CDC14B: variants seen among roughly 807,000 people sequenced by gnomAD.
CDC14B encodes dual specificity protein phosphatase CDC14B.
A neutral mutation model predicts 64.2 loss-of-function variants in CDC14B; 22 were observed. The ratio of observed to expected loss-of-function variants is 0.34; its 90% CI spans 0.24 to 0.49. The LOEUF (loss-of-function observed/expected upper bound fraction) is 0.49, where lower values mean the gene tolerates loss of function less well. Ranked by LOEUF, CDC14B falls within the 20% of genes least tolerant of loss-of-function variation. The probability of loss-of-function intolerance (pLI) is 0.99; values close to 1 mark genes in which losing one functional copy is unlikely to be tolerated. For synonymous variants in CDC14B, 191 were observed against 215.8 expected (o/e 0.89, Z 1.01); for missense variants, 498 against 629.9 (o/e 0.79, Z 2.24).
chr9:96,550,281 C>T (rs1841609912), intron 5 of CDC14B, among the ~76,000 whole-genome samples: 1 of 152,230 alleles, frequency 6.6e-6, no homozygotes, highest in African/African-American at 2.4e-5. Flanking sequence ...AGGGATGATA[C>T]TGGGTTCAAG....
chr9:96,552,820 G>A (rs773373094), intron 4 of CDC14B, among the ~76,000 whole-genome samples: 18 of 151,952 alleles, frequency 1.2e-4, no homozygotes, highest in Non-Finnish European at 1.9e-4. Flanking sequence ...AGGCGGGAGC[G>A]GTGGGAAGGA....
intron 1 of CDC14B, among the ~76,000 whole-genome samples, chr9:96,587,187 CA>C (rs142581356): frequency 0.06 from 9,018 of 150,396 alleles, 901 homozygotes; most frequent in African/African-American, 0.21. Flanking sequence ...ACAAAAACAA[CA>C]AAAAAAAAGA....
At chr9:96,555,298 C>T (rs1228958460) in intron 4 of CDC14B, among the ~76,000 whole-genome samples, 4 of 152,158 alleles carry the variant, frequency 2.6e-5, no homozygotes, top group Non-Finnish European at 5.9e-5. Context: ...GTACAGCAAG[C>T]TGTTATTTTG....
chr9:96,562,638 A>G (rs921325318), intron 4 of CDC14B, 55 bp downstream of exon 4: 8 of 1,112,830 alleles, frequency 7.2e-6, no homozygotes, highest in Non-Finnish European at 1.1e-5. Context: ...CTGCAAATGT[A>G]AAGAACCACT....
rs150456591 is a variant in CDC14B, at chr9:96,508,255, G to A, written c.1460+1418C>T. On this transcript the variant is annotated intron_variant, in intron 13 of 13. Transcript: ENST00000375241. ...GGTCTCAAACTCCTGACCTCAAGTG[G>A]TCCACCTGCCTCCGCCTCCCAAAGT... 7.1e-3 allele frequency among the ~76,000 whole-genome samples: 1,073 copies of A among 151,880 alleles called. 11 individuals are homozygous for A. Among genetic ancestry groups the A allele is most frequent in the African/African-American group, 0.025 (1,025 of 41,394 alleles).
At chr9:96,571,152 C>A (rs953941489) in intron 1 of CDC14B, among the ~76,000 whole-genome samples, 2 of 151,356 alleles carry the variant, frequency 1.3e-5, no homozygotes, top group African/African-American at 4.9e-5. Flanking sequence ...AGCTGTCAGA[C>A]AACTATAAAA....
At chr9:96,594,955 A>C (rs1845989787) in intron 1 of CDC14B, among the ~76,000 whole-genome samples, 1 of 152,140 alleles carries the variant, frequency 6.6e-6, no homozygotes, top group African/African-American at 2.4e-5. Context: ...GACAGAGACC[A>C]TCCTGGCCAA....
chr9:96,539,051 T>C (rs1332806685), intron 7 of CDC14B, 27 bp downstream of exon 7: 1 of 1,503,316 alleles, frequency 6.7e-7, no homozygotes, highest in South Asian at 1.1e-5. Flanking sequence ...GGAGGAAGAG[T>C]TGAAAACATG....
chr9:96,559,205 C>G (rs1291625004), intron 4 of CDC14B, among the ~76,000 whole-genome samples: 1 of 152,164 alleles, frequency 6.6e-6, no homozygotes, highest in Non-Finnish European at 1.5e-5. Context: ...CACTCTCTGC[C>G]CAACCCACAT....
intron 4 of CDC14B, among the ~76,000 whole-genome samples, chr9:96,553,227 C>G (rs1403302956): frequency 6.6e-6 from 1 of 152,190 alleles, no homozygotes; most frequent in Non-Finnish European, 1.5e-5. Context: ...AACTCAGAAA[C>G]AGACATATCC....
intron 4 of CDC14B, among the ~76,000 whole-genome samples, chr9:96,559,236 A>G (rs150587883): frequency 4.6e-5 from 7 of 152,256 alleles, no homozygotes; most frequent in Admixed American, 2.0e-4. Flanking sequence ...TGTGTATACA[A>G]GGATGAAGGA....
chr9:96,604,342 T>TTTATTATTA (rs148185898), intron 1 of CDC14B, among the ~76,000 whole-genome samples: 46 of 131,838 alleles, frequency 3.5e-4, no homozygotes, highest in East Asian at 8.5e-4. Context: ...GAAGCTTGCA[T>TTTATTATTA]TTATTATTAT....
chr9:96,502,480 T>C lies in CDC14B; in HGVS notation c.*1273A>G, dbSNP rs1833636856. 5.7e-6 allele frequency: 1 copy of C among 174,568 alleles called. No individual in the cohort carries two copies. The highest frequency in any genetic ancestry group is 1.4e-4 in the East Asian group (1 of 6,998). 10.8% of individuals were successfully genotyped at this position (174,568 alleles called of 1,614,324 possible). A position where few individuals can be genotyped will look rare whatever the true frequency, so the allele number is the denominator to read the frequency against. ...ATTTGTTTCCCACTGCCTGTCGACA[T>C]CTCAGCCCTCCATGCTCCCGGCACA... is the stretch of plus-strand genomic sequence containing the variant. On this transcript the variant is annotated 3_prime_UTR_variant, in exon 14 of 14. Coordinates refer to ENST00000375241, the MANE Select transcript of CDC14B (RefSeq NM_033331.4).
chr9:96,606,669 C>T (rs1032281473), intron 1 of CDC14B, among the ~76,000 whole-genome samples: 1 of 151,684 alleles, frequency 6.6e-6, no homozygotes, highest in African/African-American at 2.4e-5. Context: ...CGGGTTCAAG[C>T]GATTCTCCTG....
At chr9:96,544,582 C>A (rs1265106511) in intron 5 of CDC14B, among the ~76,000 whole-genome samples, 1 of 152,046 alleles carries the variant, frequency 6.6e-6, no homozygotes, top group Non-Finnish European at 1.5e-5. Context: ...GCAGCCTTGA[C>A]CTCCTGGGCT....
intron 1 of CDC14B, among the ~76,000 whole-genome samples, chr9:96,603,723 C>T (rs574307714): frequency 7.9e-5 from 12 of 152,284 alleles, no homozygotes; most frequent in Non-Finnish European, 1.6e-4. Flanking sequence ...ACTTATTTTT[C>T]CCCTCCAGTA....
chr9:96,571,178 A>ATT (rs199600453), intron 1 of CDC14B, among the ~76,000 whole-genome samples: 8 of 150,706 alleles, frequency 5.3e-5, no homozygotes, highest in African/African-American at 2.0e-4. Flanking sequence ...ACGAAAAAAA[A>ATT]ATTTTTTTTT....
rs185006095 is a variant in CDC14B, at chr9:96,547,966, T to C, written c.497+3830A>G. The stretch of plus-strand genomic sequence containing the variant: ...TCAGCCTCCTGAGTAGCTGGGACTA[T>C]AGGCGCCCGCCACCACGCCTGGCTA... On this transcript the variant is annotated intron_variant, in intron 5 of 13. Coordinates refer to ENST00000375241, the MANE Select transcript of CDC14B (RefSeq NM_033331.4). Among the ~76,000 whole-genome samples the C allele has an allele frequency of 3.0e-3, 453 of 152,152 alleles. 18 individuals carry two copies. The East Asian group carries it at 0.073, about 25-fold the overall frequency.
intron 9 of CDC14B, among the ~76,000 whole-genome samples, chr9:96,532,289 T>C (rs766549604): frequency 2.0e-5 from 3 of 152,236 alleles, no homozygotes; most frequent in Non-Finnish European, 1.5e-5. Context: ...CCCTCACTTA[T>C]GCATTTTGAA....
Sources: gnomAD v4.1 joint callset for allele counts (sites outside exome capture counted in the v4.1 genomes callset) on GRCh38, gnomAD v4.1.1 for gene constraint, MANE v1.5 for transcripts, NCBI Gene and HGNC (gene_info 2026-07-23, HGNC 2026-07-21) for gene names.